Variants in TAX1BP1 observed in about 807,000 individuals in gnomAD.
TAX1BP1 encodes the protein tax1-binding protein 1.
In TAX1BP1, 62 loss-of-function variants were observed where a neutral mutation model predicts 97.7. That is an observed-to-expected ratio of 0.63 (90% CI 0.52 to 0.78). TAX1BP1 has a LOEUF of 0.78. Ranked by LOEUF, TAX1BP1 falls within the 30% of genes least tolerant of loss-of-function variation. TAX1BP1 has a pLI of 0.00. For missense variants in TAX1BP1, 867 were observed against 916.1 expected, an observed-to-expected ratio of 0.95 and a Z score of 0.69; for synonymous variants, 340 against 304.2, an observed-to-expected ratio of 1.12 and a Z score of -1.23.
chr7:27,769,543 A>G, intron 4 of TAX1BP1, 133 bp from the exon 5 acceptor site: 1 of 678,534 alleles, frequency 1.5e-6, no homozygotes. Flanking sequence ...TGATTGATAT[A>G]AAGTAGGTAG....
rs149417613 is a variant in TAX1BP1, at chr7:27,793,700, G to A, written c.1410+488G>A. Among the ~76,000 whole-genome samples the A allele has an allele frequency of 3.7e-3, 568 of 152,214 alleles. 7 individuals carry two copies. Among genetic ancestry groups the A allele is most frequent in the Non-Finnish European group, 4.9e-3 (331 of 67,996 alleles). On this transcript the variant is annotated intron_variant, in intron 10 of 16. Transcript: ENST00000396319. The stretch of plus-strand genomic sequence containing the variant: ...TTCTTTTTTATTCCATTTGAGAATA[G>A]GTAGGTAGATTTGTAATATACCAAA...
At chr7:27,747,716 T>C (rs1332305645) in intron 1 of TAX1BP1, among the ~76,000 whole-genome samples, 2 of 151,830 alleles carry the variant, frequency 1.3e-5, no homozygotes, top group Non-Finnish European at 2.9e-5. Flanking sequence ...GAGGTAGAAG[T>C]TGTTGGATAG....
intron 13 of TAX1BP1, among the ~76,000 whole-genome samples, chr7:27,806,550 T>C (rs1790347912): frequency 6.6e-6 from 1 of 152,222 alleles, no homozygotes; most frequent in African/African-American, 2.4e-5. Context: ...ACATTTATTG[T>C]ATAATAGATT....
intron 13 of TAX1BP1, among the ~76,000 whole-genome samples, chr7:27,815,546 G>A (rs1790733805): frequency 6.6e-6 from 1 of 152,084 alleles, no homozygotes; most frequent in South Asian, 2.1e-4. Context: ...CGTGCTATAA[G>A]TTAAGGCTTT....
chr7:27,807,324 C>T (rs994826682), intron 13 of TAX1BP1, among the ~76,000 whole-genome samples: 10 of 151,992 alleles, frequency 6.6e-5, no homozygotes, highest in Non-Finnish European at 1.5e-4. Flanking sequence ...AAATTGTATC[C>T]TTAGTACTTT....
chr7:27,772,855 A>G (rs528456907), intron 5 of TAX1BP1, among the ~76,000 whole-genome samples: 2 of 152,192 alleles, frequency 1.3e-5, no homozygotes, highest in East Asian at 1.9e-4. Context: ...GAGAAACAAT[A>G]AATTACATAT....
At chr7:27,782,073 A>G (rs1789279419) in intron 5 of TAX1BP1, among the ~76,000 whole-genome samples, 1 of 152,108 alleles carries the variant, frequency 6.6e-6, no homozygotes, top group Non-Finnish European at 1.5e-5. Context: ...ACCTTAGCTC[A>G]CTGTAACATT....
chr7:27,779,384 G>A (rs994520406), intron 5 of TAX1BP1, among the ~76,000 whole-genome samples: 3 of 152,144 alleles, frequency 2.0e-5, no homozygotes, highest in African/African-American at 7.2e-5. Context: ...TGTATTTGTT[G>A]CCCTTCAAAT....
At chr7:27,739,686 G>A (rs1387789795), upstream of TAX1BP1, 3 of 152,122 alleles carry the variant, frequency 2.0e-5, no homozygotes, top group South Asian at 2.1e-4. Flanking sequence ...CACACGACTG[G>A]GCCAGGAGTT....
intron 15 of TAX1BP1, among the ~76,000 whole-genome samples, chr7:27,817,620 A>G (rs889652246): frequency 3.3e-5 from 5 of 152,198 alleles, no homozygotes; most frequent in African/African-American, 1.2e-4. Flanking sequence ...TACTGATGAT[A>G]ATTGAATTAG....
At chr7:27,746,500 A>G (rs1379546564) in intron 1 of TAX1BP1, among the ~76,000 whole-genome samples, 2 of 151,676 alleles carry the variant, frequency 1.3e-5, no homozygotes, top group African/African-American at 2.4e-5. Flanking sequence ...TGGGAGCCCA[A>G]ATTAGCTCAG....
intron 1 of TAX1BP1, among the ~76,000 whole-genome samples, chr7:27,747,165 G>C (rs1259965819): frequency 6.6e-6 from 1 of 152,162 alleles, no homozygotes; most frequent in Non-Finnish European, 1.5e-5. Context: ...AATGACTCAA[G>C]CAAGTGCAGT....
chr7:27,785,585 C>A, intron 7 of TAX1BP1, 96 bp downstream of exon 7: 2 of 980,480 alleles, frequency 2.0e-6, no homozygotes, highest in Non-Finnish European at 3.1e-6. Context: ...AGCAGCTTAG[C>A]TGAGTGGTTC....
chr7:27,758,812 G>C (rs1788320587), intron 3 of TAX1BP1, among the ~76,000 whole-genome samples: 1 of 152,130 alleles, frequency 6.6e-6, no homozygotes, highest in African/African-American at 2.4e-5. Flanking sequence ...CTCAAGGGAG[G>C]AATGGGGAGT....
intron 12 of TAX1BP1, among the ~76,000 whole-genome samples, chr7:27,798,809 T>C (rs1037718335): frequency 2.6e-5 from 4 of 152,106 alleles, no homozygotes; most frequent in African/African-American, 9.7e-5. Flanking sequence ...GCATCTTTTC[T>C]TATGCTTATT....
chr7:27,792,283 C>A, intron 9 of TAX1BP1, 53 bp downstream of exon 9: 1 of 1,447,882 alleles, frequency 6.9e-7, no homozygotes, highest in African/African-American at 1.4e-5. Context: ...CCACTATAAT[C>A]TCACAAAGTA....
chr7:27,757,231 A>G (rs547207373), intron 2 of TAX1BP1, among the ~76,000 whole-genome samples: 82 of 152,240 alleles, frequency 5.4e-4, no homozygotes, highest in Admixed American at 7.8e-4. Context: ...AACATCTCCA[A>G]TTTTCAATAT....
At chr7:27,811,224 A>C (rs1790545534) in intron 13 of TAX1BP1, among the ~76,000 whole-genome samples, 1 of 152,200 alleles carries the variant, frequency 6.6e-6, no homozygotes, top group East Asian at 1.9e-4. Flanking sequence ...TTAAATAATG[A>C]GTGGTTGAAA....
chr7:27,801,832 G>A (rs900754968), intron 13 of TAX1BP1, among the ~76,000 whole-genome samples: 1 of 152,126 alleles, frequency 6.6e-6, no homozygotes, highest in Non-Finnish European at 1.5e-5. Context: ...GTACTGTTTT[G>A]ACACAGACTA....
Sources: gnomAD v4.1 joint callset for allele counts (sites outside exome capture counted in the v4.1 genomes callset) on GRCh38, gnomAD v4.1.1 for gene constraint, MANE v1.5 for transcripts, NCBI Gene and HGNC (gene_info 2026-07-23, HGNC 2026-07-21) for gene names.